CCSER1: variants seen among roughly 807,000 people sequenced by gnomAD.
CCSER1 encodes serine-rich coiled-coil domain-containing protein 1.
CCSER1 carries 41 observed loss-of-function variants against 82.0 expected under a neutral mutation model. The ratio of observed to expected loss-of-function variants is 0.50; its 90% CI spans 0.39 to 0.65. The LOEUF is 0.65. Ranked by LOEUF, CCSER1 falls within the 30% of genes least tolerant of loss-of-function variation. CCSER1 has a pLI of 0.00. For synonymous variants in CCSER1, 414 were observed against 383.9 expected, an observed-to-expected ratio of 1.08 and a Z score of -0.92; for missense variants, 1,119 against 1,064.2, an observed-to-expected ratio of 1.05 and a Z score of -0.72.
At chr4:90,875,323 G>A (rs780569362) in intron 8 of CCSER1, among the ~76,000 whole-genome samples, 1 of 152,122 alleles carries the variant, frequency 6.6e-6, no homozygotes, top group Non-Finnish European at 1.5e-5. Flanking sequence ...ACTGAGTTGA[G>A]CCTCATGGTT....
chr4:90,456,192 A>T (rs1426988986), intron 4 of CCSER1, among the ~76,000 whole-genome samples: 3 of 152,166 alleles, frequency 2.0e-5, no homozygotes, highest in Admixed American at 6.5e-5. Flanking sequence ...TGGGGAAAAA[A>T]CCTTTTGCCC....
At chr4:90,950,771 G>A (rs528203782) in intron 9 of CCSER1, among the ~76,000 whole-genome samples, 1 of 152,116 alleles carries the variant, frequency 6.6e-6, no homozygotes, top group African/African-American at 2.4e-5. Context: ...AAAACAATAC[G>A]ATTGTACTGT....
intron 4 of CCSER1, among the ~76,000 whole-genome samples, chr4:90,434,479 A>G (rs907521380): frequency 5.9e-5 from 9 of 152,280 alleles, no homozygotes; most frequent in Admixed American, 3.3e-4. Flanking sequence ...AGCCACAACA[A>G]TTACTAAAAC....
At chr4:90,639,629 CAGAT>C (rs1002468054) in intron 6 of CCSER1, among the ~76,000 whole-genome samples, 43 of 152,026 alleles carry the variant, frequency 2.8e-4, no homozygotes, top group African/African-American at 9.4e-4. Flanking sequence ...AGAGTGGTGA[CAGAT>C]AGAGAAAAAT....
chr4:90,581,935 T>G (rs1781460780), intron 5 of CCSER1, among the ~76,000 whole-genome samples: 1 of 151,804 alleles, frequency 6.6e-6, no homozygotes, highest in Non-Finnish European at 1.5e-5. Flanking sequence ...TGTAGATTAC[T>G]TTGATAGGAC....
chr4:90,383,899 GCTAA>G (rs1369160605), intron 3 of CCSER1, among the ~76,000 whole-genome samples: 1 of 151,756 alleles, frequency 6.6e-6, no homozygotes, highest in Admixed American at 6.6e-5. Flanking sequence ...ACCATGCCTG[GCTAA>G]CTATTTTAAA....
intron 6 of CCSER1, among the ~76,000 whole-genome samples, chr4:90,646,747 G>C (rs949913933): frequency 6.6e-6 from 1 of 152,110 alleles, no homozygotes; most frequent in African/African-American, 2.4e-5. Flanking sequence ...GTAAAGCAAT[G>C]CATAGATTAC....
At chr4:91,069,069 G>A (rs1484250931) in intron 9 of CCSER1, among the ~76,000 whole-genome samples, 2 of 152,078 alleles carry the variant, frequency 1.3e-5, no homozygotes, top group African/African-American at 4.8e-5. Flanking sequence ...AGCTACTAGG[G>A]AGGCTGAGGC....
intron 10 of CCSER1, among the ~76,000 whole-genome samples, chr4:91,296,263 T>C (rs1744153377): frequency 6.6e-6 from 1 of 151,426 alleles, no homozygotes. Flanking sequence ...TAGAAAAAGC[T>C]TTCTAAGTTT....
intron 4 of CCSER1, among the ~76,000 whole-genome samples, chr4:90,434,284 T>C (rs1188583494): frequency 2.0e-5 from 3 of 152,166 alleles, no homozygotes; most frequent in Non-Finnish European, 4.4e-5. Flanking sequence ...TGTAAATGGT[T>C]AGATAAGAAA....
intron 10 of CCSER1, among the ~76,000 whole-genome samples, chr4:91,220,047 T>C (rs928161886): frequency 3.3e-5 from 5 of 152,194 alleles, no homozygotes; most frequent in African/African-American, 1.2e-4. Flanking sequence ...AGATCCACAG[T>C]TTATCCCTTT....
chr4:91,505,225 G>C (rs1454958653), intron 10 of CCSER1, among the ~76,000 whole-genome samples: 2 of 152,152 alleles, frequency 1.3e-5, no homozygotes, highest in Admixed American at 1.3e-4. Context: ...GTTTGCTGAG[G>C]ATAACGACTT....
At chr4:90,905,592 A>G (rs1725346233) in intron 8 of CCSER1, among the ~76,000 whole-genome samples, 1 of 152,052 alleles carries the variant, frequency 6.6e-6, no homozygotes, top group Non-Finnish European at 1.5e-5. Flanking sequence ...ACTTCCCTTT[A>G]TATCACTTAC....
chr4:91,274,121 G>A (rs1040905229), intron 10 of CCSER1, among the ~76,000 whole-genome samples: 2 of 152,118 alleles, frequency 1.3e-5, no homozygotes, highest in South Asian at 4.2e-4. Flanking sequence ...TCTTAGATTT[G>A]GCATCTTATT....
intron 10 of CCSER1, among the ~76,000 whole-genome samples, chr4:91,272,529 T>G (rs1383712826): frequency 6.6e-6 from 1 of 152,228 alleles, no homozygotes; most frequent in Non-Finnish European, 1.5e-5. Flanking sequence ...TGTGAAGATT[T>G]TCTCCCACTC....
At chr4:90,498,002 A>G (rs987359986) in intron 5 of CCSER1, among the ~76,000 whole-genome samples, 4 of 151,238 alleles carry the variant, frequency 2.6e-5, no homozygotes, top group African/African-American at 9.7e-5. Flanking sequence ...GCTGGAGTGC[A>G]AGTTTTGATA....
chr4:90,724,987 C>A, intron 7 of CCSER1: 1 of 435,350 alleles, frequency 2.3e-6, no homozygotes, highest in Non-Finnish European at 4.6e-6. Context: ...TAATTATGGA[C>A]ACTTTTTTGC....
intron 1 of CCSER1, among the ~76,000 whole-genome samples, chr4:90,255,479 T>C (rs950992353): frequency 1.3e-5 from 2 of 152,190 alleles, no homozygotes; most frequent in African/African-American, 4.8e-5. Flanking sequence ...CAGATTGTTA[T>C]AAATTATGGT....
Position 90,710,765 on chromosome 4 carries a change from A to T in CCSER1, c.1933-13149A>T, listed in dbSNP as rs368927968. On this transcript the variant is annotated intron_variant, in intron 6 of 10. Coordinates refer to ENST00000509176, the MANE Select transcript of CCSER1 (RefSeq NM_001145065.2). ...GTATGATTTAAAGTCAGGTAGCATGATGCCTTCAGCTTTGTTCTTTTTGCT... is the reference window on the plus strand; with the variant it reads ...GTATGATTTAAAGTCAGGTAGCATGTTGCCTTCAGCTTTGTTCTTTTTGCT... Among the ~76,000 whole-genome samples, 32 of 152,284 alleles carry T rather than the reference A, an allele frequency of 2.1e-4. No homozygotes were observed. The East Asian group carries it at 5.0e-3, about 24-fold the overall frequency.
Sources: gnomAD v4.1 joint callset for allele counts (sites outside exome capture counted in the v4.1 genomes callset) on GRCh38, gnomAD v4.1.1 for gene constraint, MANE v1.5 for transcripts, NCBI Gene and HGNC (gene_info 2026-07-23, HGNC 2026-07-21) for gene names.